RAD51B: variants seen among roughly 807,000 people sequenced by gnomAD.
The protein encoded by RAD51B is RAD51 paralog B.
RAD51B carries 38 observed loss-of-function variants against 42.2 expected under a neutral mutation model. The observed-to-expected ratio is 0.90, with a 90% CI of 0.70 to 1.18. RAD51B has a LOEUF of 1.18. Ranked by LOEUF, RAD51B falls within the 50% of genes most tolerant of loss-of-function variation. RAD51B has a pLI of 0.00. For synonymous variants in RAD51B, 154 were observed against 145.2 expected (o/e 1.06, Z -0.43); for missense variants, 373 against 400.7 (o/e 0.93, Z 0.59).
intron 8 of RAD51B, among the ~76,000 whole-genome samples, chr14:68,325,586 TTA>T (rs1491581839): frequency 4.6e-5 from 7 of 152,024 alleles, no homozygotes; most frequent in African/African-American, 1.7e-4. Flanking sequence ...TTTTTTTTTT[TTA>T]AAAAGAGTTG....
chr14:68,194,324 C>T (rs1181094042), intron 7 of RAD51B, among the ~76,000 whole-genome samples: 2 of 152,082 alleles, frequency 1.3e-5, no homozygotes, highest in Non-Finnish European at 2.9e-5. Context: ...ACTGCTATTC[C>T]AGGCAAGAAA....
chr14:67,940,348 G>C (rs895651106), intron 7 of RAD51B, among the ~76,000 whole-genome samples: 1 of 151,640 alleles, frequency 6.6e-6, no homozygotes, highest in Non-Finnish European at 1.5e-5. Context: ...AAAGTGCTGG[G>C]ATTACAGGCG....
At chr14:68,547,261 T>C (rs149879325) in intron 10 of RAD51B, among the ~76,000 whole-genome samples, 1 of 152,342 alleles carries the variant, frequency 6.6e-6, no homozygotes, top group African/African-American at 2.4e-5. Flanking sequence ...GATCATGACC[T>C]TGTGTCGGGA....
At chr14:68,592,242 G>C (rs1890778400) in intron 10 of RAD51B, among the ~76,000 whole-genome samples, 2 of 145,096 alleles carry the variant, frequency 1.4e-5, no homozygotes, top group African/African-American at 5.6e-5. Context: ...GGTACAAAGG[G>C]GTAGGCAATG....
intron 8 of RAD51B, chr14:68,338,754 T>G: frequency 2.1e-6 from 1 of 473,432 alleles, no homozygotes; most frequent in South Asian, 1.8e-5. Context: ...GCAAAGTTCT[T>G]TAACCTTTGC....
intron 8 of RAD51B, chr14:68,339,328 C>A: frequency 2.0e-6 from 2 of 982,228 alleles, no homozygotes; most frequent in South Asian, 2.6e-5. Flanking sequence ...CAGAGGATGG[C>A]TCTCTGCCGC....
At chr14:68,422,042 C>T in intron 9 of RAD51B, 10 of 1,537,152 alleles carry the variant, frequency 6.5e-6, no homozygotes, top group Non-Finnish European at 9.0e-6. Flanking sequence ...TCTGTGAAAG[C>T]AGGAAACCTT....
At chr14:68,449,424 A>T (rs1172962200) in intron 9 of RAD51B, among the ~76,000 whole-genome samples, 1 of 152,232 alleles carries the variant, frequency 6.6e-6, no homozygotes, top group East Asian at 1.9e-4. Context: ...GGATCTTTAA[A>T]TCTAACTGTT....
intron 7 of RAD51B, among the ~76,000 whole-genome samples, chr14:67,934,815 G>T (rs543717247): frequency 1.3e-5 from 2 of 152,232 alleles, no homozygotes; most frequent in African/African-American, 4.8e-5. Flanking sequence ...ATTGATGGGG[G>T]GGAATGTCCA....
At chr14:67,919,120 G>A (rs2044244568) in intron 7 of RAD51B, among the ~76,000 whole-genome samples, 1 of 152,184 alleles carries the variant, frequency 6.6e-6, no homozygotes, top group African/African-American at 2.4e-5. Flanking sequence ...ACTGATGCAT[G>A]TGATTATTCT....
At chr14:68,479,792 C>T (rs150356395), downstream of RAD51B, among the ~76,000 whole-genome samples, 7 of 151,380 alleles carry the variant, frequency 4.6e-5, no homozygotes, top group African/African-American at 1.2e-4. Flanking sequence ...CCTCAGCCTC[C>T]GAAGTAGCTG....
chr14:68,468,108 G>A (rs770540536), intron 9 of RAD51B, 64 bp from the exon 10 acceptor site: 2 of 1,375,736 alleles, frequency 1.5e-6, no homozygotes, highest in East Asian at 2.3e-5. Context: ...AGTGGGAAGG[G>A]GAGTGAATAG....
intron 7 of RAD51B, among the ~76,000 whole-genome samples, chr14:67,893,503 CACACACAA>C (rs1336911024): frequency 0.036 from 3,594 of 99,018 alleles, 222 homozygotes; most frequent in African/African-American, 0.061. Context: ...CACACACACA[CACACACAA>C]AAAAAAACAA....
chr14:67,974,725 G>T (rs1234658511), intron 7 of RAD51B, among the ~76,000 whole-genome samples: 21 of 152,040 alleles, frequency 1.4e-4, no homozygotes, highest in Admixed American at 1.4e-3. Flanking sequence ...GTTTAAATTT[G>T]AGGTGTTTAT....
chr14:68,618,400 T>G (rs142271027), intron 10 of RAD51B, among the ~76,000 whole-genome samples: 1 of 152,316 alleles, frequency 6.6e-6, no homozygotes, highest in East Asian at 1.9e-4. Flanking sequence ...AAAGTTGCAC[T>G]GTCACCATCC....
At chr14:68,207,689 C>T (rs1346649515) in intron 7 of RAD51B, among the ~76,000 whole-genome samples, 1 of 151,728 alleles carries the variant, frequency 6.6e-6, no homozygotes, top group Non-Finnish European at 1.5e-5. Flanking sequence ...AGCAGGGGAG[C>T]CAGTACTAGG....
At chr14:67,900,625 TCATACACA>T (rs1167895978) in intron 7 of RAD51B, among the ~76,000 whole-genome samples, 1 of 135,586 alleles carries the variant, frequency 7.4e-6, no homozygotes, top group African/African-American at 2.8e-5. Flanking sequence ...TGTGTGTGTG[TCATACACA>T]CACACACACA....
At chr14:68,371,000 G>T (rs1003618869) in intron 8 of RAD51B, among the ~76,000 whole-genome samples, 2 of 118,720 alleles carry the variant, frequency 1.7e-5, no homozygotes, top group African/African-American at 6.5e-5. Flanking sequence ...CTGTGCTGCT[G>T]CACTCCAGCC....
chr14:68,009,160 T>C (rs1016956818), intron 7 of RAD51B, among the ~76,000 whole-genome samples: 5 of 151,966 alleles, frequency 3.3e-5, no homozygotes, highest in African/African-American at 1.2e-4. Context: ...GTCAATTCAA[T>C]CTTATTTTGC....
Sources: gnomAD v4.1 joint callset for allele counts (sites outside exome capture counted in the v4.1 genomes callset) on GRCh38, gnomAD v4.1.1 for gene constraint, MANE v1.5 for transcripts, NCBI Gene and HGNC (gene_info 2026-07-23, HGNC 2026-07-21) for gene names.